Variants in NFKB2 observed in about 807,000 individuals in gnomAD.
The protein encoded by NFKB2 is nuclear factor kappa B subunit 2.
In NFKB2, 21 loss-of-function variants were observed where a neutral mutation model predicts 109.3. That is an observed-to-expected ratio of 0.19 (90% confidence interval 0.14 to 0.28). The LOEUF is 0.28. NFKB2 is among the 10% of genes least tolerant of loss of function. NFKB2 has a pLI of 1.00. For missense variants in NFKB2, 806 were observed against 1,185.3 expected (o/e 0.68, Z 4.70); for synonymous variants, 478 against 489.9 (o/e 0.98, Z 0.32).
chr10:102,400,197 G>A lies in NFKB2; in HGVS notation c.1584+3G>A, dbSNP rs1242969135. On this transcript the variant is annotated splice_donor_region_variant and intron_variant, in intron 15 of 22. Transcript: ENST00000661543. The surrounding 1 kb of genome is among the most constrained non-coding windows in gnomAD (Gnocchi z 6.3). Reference sequence around the variant, plus strand: ...ACCTCACCAACCACCTGCACCAGGTGCGGGGGCGCCTACTGGGGAGGTGGG... The same window carrying A: ...ACCTCACCAACCACCTGCACCAGGTACGGGGGCGCCTACTGGGGAGGTGGG... 1.2e-6 allele frequency: 2 copies of A among 1,614,120 alleles called. No individual in the cohort carries two copies. Among genetic ancestry groups the A allele is most frequent in the Admixed American group, 3.3e-5 (2 of 60,036 alleles).
In NFKB2 at chr10:102,398,870, G is replaced by T. The variant is rs2061164014; in HGVS notation, c.1117+6G>T. 6.3e-7 allele frequency: 1 copy of T among 1,588,160 alleles called. No homozygotes were observed. The highest frequency in any genetic ancestry group is 8.6e-7 in the Non-Finnish European group (1 of 1,168,810). On this transcript the variant is annotated splice_donor_region_variant and intron_variant, in intron 12 of 22. Coordinates refer to ENST00000661543, the MANE Select transcript of NFKB2 (RefSeq NM_001322934.2). This position sits in a 1 kb window ranked among gnomAD's most constrained non-coding sequence, Gnocchi z 6.6. The stretch of plus-strand genomic sequence containing the variant: ...CTACGGAGGAGCTGGAGGAGGTGAG[G>T]GGGTACTGATGGAGGGAGGGGTAAA...
At position 102,399,559 on chromosome 10, in the gene NFKB2, G is replaced by A. The variant is rs2135435546; in HGVS notation, c.1328-18G>A. 1 of 1,546,594 alleles carries A rather than the reference G, an allele frequency of 6.5e-7. No individual in the cohort carries two copies. Among genetic ancestry groups the A allele is most frequent in the Non-Finnish European group, 8.7e-7 (1 of 1,145,804 alleles). On this transcript the variant is annotated intron_variant, in intron 13 of 22. Transcript: ENST00000661543. ...GGCTGAGGACCTAGCCCTGACCCAC[G>A]CCCTCTGTGGCCCGTAGCTCGAGAG...
At chr10:102,395,854 ACC>A (rs1246998323) in intron 1 of NFKB2, 32 bp from the exon 2 acceptor site, 4 of 237,510 alleles carry the variant, frequency 1.7e-5, no homozygotes, top group Non-Finnish European at 3.1e-5. Flanking sequence ...TTTAGATCTG[ACC>A]CCCTCCCCCA....
chr10:102,397,290 C>T lies in NFKB2; in HGVS notation c.396-12C>T, dbSNP rs757364206. ...ACTGCATGGCCAAAGGCCTCCGATTCTCTCTTCTCAGATTTAACAACCTGG... is the reference window on the plus strand; with the variant it reads ...ACTGCATGGCCAAAGGCCTCCGATTTTCTCTTCTCAGATTTAACAACCTGG... On this transcript the variant is annotated splice_polypyrimidine_tract_variant and intron_variant, in intron 6 of 22. Transcript: ENST00000661543. This position sits in a 1 kb window ranked among gnomAD's most constrained non-coding sequence, Gnocchi z 4.7. 1 of 1,612,688 alleles carries T rather than the reference C, an allele frequency of 6.2e-7. No individual in the cohort carries two copies. The highest frequency in any genetic ancestry group is 1.7e-5 in the Admixed American group (1 of 59,992).
In NFKB2 at chr10:102,396,695, C is replaced by T; in HGVS notation, c.145-30C>T. 3 of 1,600,152 alleles carry T rather than the reference C, an allele frequency of 1.9e-6. No individual in the cohort carries two copies. Among genetic ancestry groups the T allele is most frequent in the South Asian group, 2.2e-5 (2 of 90,688 alleles). The stretch of plus-strand genomic sequence containing the variant: ...GCTGGCCTGGGTGGTCTTCCCTGAT[C>T]ACAATGCTACTATGCCCTTGGACCT... On this transcript the variant is annotated intron_variant, in intron 4 of 22. Transcript: ENST00000661543. The surrounding 1 kb of genome is among the most constrained non-coding windows in gnomAD (Gnocchi z 5.9).
At position 102,397,051 on chromosome 10, in the gene NFKB2, G is replaced by A; in HGVS notation, c.391G>A (p.Ala131Thr). Residue 131 changes from alanine to threonine, a missense_variant, in exon 6 of 23, where the codon GCC (alanine) becomes ACC (threonine). This residue lies in a region of NFKB2 where 62 missense variants were observed against 102.2 expected (regional missense o/e 0.61). Coordinates refer to ENST00000661543, the MANE Select transcript of NFKB2 (RefSeq NM_001322934.2). The surrounding 1 kb of genome is among the most constrained non-coding windows in gnomAD (Gnocchi z 4.7). Reference sequence around the variant, plus strand: ...TTCTGTGGGGCCCAAGGACATGACTGCCCAGTAGGTGCCCTCTACGCCTGG... The same window carrying A: ...TTCTGTGGGGCCCAAGGACATGACTACCCAGTAGGTGCCCTCTACGCCTGG... ...AVSVGPKDMT[A>T]QFNNLGVLHV... 1.2e-6 allele frequency: 2 copies of A among 1,609,622 alleles called. No homozygotes were observed. The highest frequency in any genetic ancestry group is 1.7e-6 in the Non-Finnish European group (2 of 1,176,686).
At position 102,397,424 on chromosome 10, in the gene NFKB2, G is replaced by A. The variant is rs889117789; in HGVS notation, c.502+16G>A. 7 of 1,604,834 alleles carry A rather than the reference G, an allele frequency of 4.4e-6. No individual in the cohort carries two copies. The African/African-American group carries it at 5.4e-5, about 12-fold the overall frequency. On this transcript the variant is annotated intron_variant, in intron 7 of 22. Coordinates refer to ENST00000661543, the MANE Select transcript of NFKB2 (RefSeq NM_001322934.2). The surrounding 1 kb of genome is among the most constrained non-coding windows in gnomAD (Gnocchi z 4.7). ...GGCCTTACGGGTATGGGTGCAGGGGGTGGGTCGGGTATGGGTGCAGGGGGT... is the reference window on the plus strand; with the variant it reads ...GGCCTTACGGGTATGGGTGCAGGGGATGGGTCGGGTATGGGTGCAGGGGGT...
At position 102,401,490 on chromosome 10, in the gene NFKB2, G is replaced by A. The variant is rs548188980; in HGVS notation, c.2265G>A (p.Glu755=). 33 of 1,613,590 alleles carry A rather than the reference G, an allele frequency of 2.0e-5. No individual in the cohort carries two copies. In the South Asian group the frequency reaches 3.2e-4, roughly 16 times the overall value. The change falls in exon 20 of 23, where the codon GAG becomes GAA. Residue 755 remains glutamate, a synonymous_variant. Coordinates refer to ENST00000661543, the MANE Select transcript of NFKB2 (RefSeq NM_001322934.2). The surrounding 1 kb of genome is among the most constrained non-coding windows in gnomAD (Gnocchi z 4.2). ...LLLNAAQNTM[E]PPLTPPSPAG... is the part of the protein sequence containing the mutation. ...TAAATGCTGCTCAGAACACCATGGA[G>A]CCACCCCTGACCCCGCCCAGCCCAG...
In NFKB2 at chr10:102,396,143, C is replaced by G; in HGVS notation, c.22-110C>G. 2.7e-6 allele frequency: 4 copies of G among 1,460,168 alleles called. No homozygotes were observed. The highest frequency in any genetic ancestry group is 3.8e-6 in the Non-Finnish European group (4 of 1,052,234). 90.5% of individuals were successfully genotyped at this position (1,460,168 alleles called of 1,614,324 possible). On this transcript the variant is annotated intron_variant, in intron 2 of 22. Transcript: ENST00000661543. This position sits in a 1 kb window ranked among gnomAD's most constrained non-coding sequence, Gnocchi z 5.9. ...ACTCTGCCTCCAAAAGGAGCTTTCT[C>G]TTGGGTCTGAGGAGGAGGGGGGAGT...
Position 102,399,455 on chromosome 10 carries a change from A to AC in NFKB2, c.1291dup (p.Gln431ProfsTer75). The AC allele has an allele frequency of 6.6e-7, 1 of 1,512,454 alleles. No individual in the cohort carries two copies. The highest frequency in any genetic ancestry group is 8.9e-7 in the Non-Finnish European group (1 of 1,128,416). The allele number at this position is 1,512,454 out of a possible 1,614,324, so 93.7% of individuals were successfully genotyped here. On this transcript the variant is annotated frameshift_variant, in exon 13 of 23. Coordinates refer to ENST00000661543, the MANE Select transcript of NFKB2 (RefSeq NM_001322934.2). LOFTEE classifies it high-confidence loss of function. The stretch of plus-strand genomic sequence containing the variant: ...CGCGGAGCCAAGCGCCCCCTCCAGG[A>AC]CCCCCCAGTGCGAGCCGCAGGCCCC...
Position 102,400,864 on chromosome 10 carries a change from G to A in NFKB2, c.1968+40G>A, listed in dbSNP as rs528235518. 14 of 1,577,326 alleles carry A rather than the reference G, an allele frequency of 8.9e-6. No homozygotes were observed. In the East Asian group the frequency reaches 2.1e-4, roughly 23 times the overall value. On this transcript the variant is annotated intron_variant, in intron 17 of 22. Coordinates refer to ENST00000661543, the MANE Select transcript of NFKB2 (RefSeq NM_001322934.2). This position sits in a 1 kb window ranked among gnomAD's most constrained non-coding sequence, Gnocchi z 6.3. ...TGTGGAAGGAGTGGGGCCAAGGGTG[G>A]TGGAGGGGCCAAAGATGGTGAAGGG...
rs1420530306 is a variant in NFKB2, at chr10:102,395,718, C to T, written c.-151C>T. The T allele has an allele frequency of 6.7e-6, 4 of 596,344 alleles. No individual in the cohort carries two copies. Among genetic ancestry groups the T allele is most frequent in the Non-Finnish European group, 1.2e-5 (4 of 333,258 alleles). The allele number at this position is 596,344 out of a possible 1,614,324, so 36.9% of individuals were successfully genotyped here. A position where few individuals can be genotyped will look rare whatever the true frequency, so the allele number is the denominator to read the frequency against. On this transcript the variant is annotated 5_prime_UTR_variant, in exon 1 of 23. Transcript: ENST00000661543. ...CTAAGCTGCTCTAACTTTCCTGCCC[C>T]TTCCCCGGCCAAGCCCAACTCCGGA...
Position 102,401,088 on chromosome 10 carries a change from G to C in NFKB2, c.2071+39G>C, listed in dbSNP as rs773700268. Reference sequence around the variant, plus strand: ...TCAGGGGCACTTGAACAGGGTGGGGGGAAGGGAGAGAGGTGCCTCCCAGTC... The same window carrying C: ...TCAGGGGCACTTGAACAGGGTGGGGCGAAGGGAGAGAGGTGCCTCCCAGTC... On this transcript the variant is annotated intron_variant, in intron 18 of 22. Coordinates refer to ENST00000661543, the MANE Select transcript of NFKB2 (RefSeq NM_001322934.2). This position sits in a 1 kb window ranked among gnomAD's most constrained non-coding sequence, Gnocchi z 4.2. The C allele has an allele frequency of 6.2e-7, 1 of 1,613,336 alleles. No homozygotes were observed. The highest frequency in any genetic ancestry group is 8.5e-7 in the Non-Finnish European group (1 of 1,179,486).
At chr10:102,394,909 A>G (rs1232313268), upstream of NFKB2, 1 of 152,382 alleles carries the variant, frequency 6.6e-6, no homozygotes, top group South Asian at 2.1e-4. Context: ...CAAACTCAAG[A>G]TACGCTCACC....
chr10:102,398,658 C>T lies in NFKB2; in HGVS notation c.992-81C>T, dbSNP rs1332593479. ...GTCCCAGGAGGTGCTTCCTAGGAGCCGGCCCTGAGGGCTCTTCTGGGAAGG... is the reference window on the plus strand; with the variant it reads ...GTCCCAGGAGGTGCTTCCTAGGAGCTGGCCCTGAGGGCTCTTCTGGGAAGG... On this transcript the variant is annotated intron_variant, in intron 11 of 22. Coordinates refer to ENST00000661543, the MANE Select transcript of NFKB2 (RefSeq NM_001322934.2). This position sits in a 1 kb window ranked among gnomAD's most constrained non-coding sequence, Gnocchi z 6.6. 2.5e-6 allele frequency: 4 copies of T among 1,611,272 alleles called. No individual in the cohort carries two copies. Among genetic ancestry groups the T allele is most frequent in the East Asian group, 4.5e-5 (2 of 44,856 alleles).
rs767297897 is a variant in NFKB2 at position 102,398,757 on chromosome 10, G to A, written c.1010G>A (p.Arg337Gln). 2.5e-6 allele frequency: 4 copies of A among 1,612,370 alleles called. No homozygotes were observed. Among genetic ancestry groups the A allele is most frequent in the African/African-American group, 1.3e-5 (1 of 74,888 alleles). ...CCCCCAGACAAGGAAGAGGTGCAGC[G>A]GAAGCGGAGGAAGGCCTTGCCCACC... ...PLVEDKEEVQ[R>Q]KRRKALPTFS... Residue 337 changes from arginine (R) to glutamine (Q), a missense_variant, in exon 12 of 23, where the codon CGG becomes CAG. Arg to Gln is a conservative substitution (Grantham distance 43). Coordinates refer to ENST00000661543, the MANE Select transcript of NFKB2 (RefSeq NM_001322934.2). This position sits in a 1 kb window ranked among gnomAD's most constrained non-coding sequence, Gnocchi z 6.6.
chr10:102,400,939 A>T lies in NFKB2; in HGVS notation c.1969-8A>T, dbSNP rs757838504. On this transcript the variant is annotated splice_polypyrimidine_tract_variant and splice_region_variant and intron_variant, in intron 17 of 22. Transcript: ENST00000661543. This position sits in a 1 kb window ranked among gnomAD's most constrained non-coding sequence, Gnocchi z 6.3. ...TGTGGTGTCAACTCTCGCTGCTCGC[A>T]CCCCCAGCTCCGGGCCAACGTGAAC... is the stretch of plus-strand genomic sequence containing the variant. The T allele has an allele frequency of 4.3e-6, 7 of 1,610,758 alleles. No homozygotes were observed. The Admixed American group carries it at 1.2e-4, about 27-fold the overall frequency.
At position 102,398,635 on chromosome 10, in the gene NFKB2, C is replaced by G; in HGVS notation, c.992-104C>G. The G allele has an allele frequency of 6.2e-7, 1 of 1,610,366 alleles. No individual in the cohort carries two copies. ...TGAGCCAAGTCAGAAGTGCGAGGGTCCCAGGAGGTGCTTCCTAGGAGCCGG... is the reference window on the plus strand; with the variant it reads ...TGAGCCAAGTCAGAAGTGCGAGGGTGCCAGGAGGTGCTTCCTAGGAGCCGG... On this transcript the variant is annotated intron_variant, in intron 11 of 22. Transcript: ENST00000661543. This position sits in a 1 kb window ranked among gnomAD's most constrained non-coding sequence, Gnocchi z 6.6.
intron 14 of NFKB2, 133 bp downstream of exon 14, chr10:102,399,851 G>A: frequency 7.4e-7 from 1 of 1,347,386 alleles, no homozygotes; most frequent in Non-Finnish European, 9.8e-7. Flanking sequence ...CTCTGTTCAA[G>A]CTGCTTGGTC....
Sources: gnomAD v4.1 joint callset for allele counts on GRCh38, gnomAD v4.1.1 for gene constraint, gnomAD v4.1.1 regional missense constraint, Gnocchi (gnomAD v3.1) non-coding constraint, MANE v1.5 for transcripts, NCBI Gene and HGNC (gene_info 2026-07-23, HGNC 2026-07-21) for gene names.